The following SPADH variants were observed in gnomAD, a reference collection of about 807,000 sequenced individuals.
The protein encoded by SPADH is spermadhesin family member.
the SPADH span, among the ~76,000 whole-genome samples, chr10:122,673,497 G>C: frequency 6.6e-6 from 1 of 152,192 alleles, no homozygotes; most frequent in African/African-American, 2.4e-5. Flanking sequence ...GCCTGGAAGA[G>C]GGGGAGTCAC....
At chr10:122,676,699 C>G in the SPADH span, 6 of 983,812 alleles carry the variant, frequency 6.1e-6, no homozygotes, top group Non-Finnish European at 7.2e-6. Flanking sequence ...ATGACACAAG[C>G]CAATCCCAGA....
chr10:122,676,177 G>C, the SPADH span, among the ~76,000 whole-genome samples: 1 of 152,254 alleles, frequency 6.6e-6, no homozygotes, highest in Non-Finnish European at 1.5e-5. Context: ...CTTGTTGATT[G>C]ATTGGTGGAT....
At chr10:122,679,059 G>C in the SPADH span, 45 of 978,068 alleles carry the variant, frequency 4.6e-5, no homozygotes, top group African/African-American at 7.5e-4. Context: ...TAGGAAGATC[G>C]GGGGAAGAGG....
chr10:122,673,664 A>T, the SPADH span, among the ~76,000 whole-genome samples: 1 of 151,946 alleles, frequency 6.6e-6, no homozygotes, highest in African/African-American at 2.4e-5. Flanking sequence ...TGTTTCCCTC[A>T]TTCTCCCCAC....
At chr10:122,678,698 C>A in the SPADH span, 1 of 155,526 alleles carries the variant, frequency 6.4e-6, no homozygotes, top group Non-Finnish European at 1.4e-5. Flanking sequence ...GAAGAACTGA[C>A]AAACTTTCCT....
chr10:122,675,232 A>C, the SPADH span, among the ~76,000 whole-genome samples: 2 of 152,208 alleles, frequency 1.3e-5, no homozygotes, highest in Non-Finnish European at 2.9e-5. Flanking sequence ...GGAAAGTGGG[A>C]CGTGAGACCT....
the SPADH span, chr10:122,672,902 C>T: frequency 1.5e-5 from 15 of 985,452 alleles, no homozygotes; most frequent in East Asian, 1.2e-3. Flanking sequence ...CCAGAGCCTT[C>T]GCTTGGCCGC....
chr10:122,678,167 G>A, the SPADH span, among the ~76,000 whole-genome samples: 3 of 152,146 alleles, frequency 2.0e-5, no homozygotes, highest in South Asian at 6.2e-4. Context: ...CTTGTGAACT[G>A]AGACCTGCTG....
chr10:122,673,293 T>A, the SPADH span, among the ~76,000 whole-genome samples: 1 of 152,142 alleles, frequency 6.6e-6, no homozygotes, highest in Non-Finnish European at 1.5e-5. Context: ...TTCCAGGTGG[T>A]CTGACGGCAG....
the SPADH span, among the ~76,000 whole-genome samples, chr10:122,674,943 G>A: frequency 5.9e-5 from 9 of 152,312 alleles, no homozygotes; most frequent in Non-Finnish European, 8.8e-5. Flanking sequence ...TTCTGAACCC[G>A]TGGGCCTGCC....
At chr10:122,679,019 T>G in the SPADH span, 2 of 985,306 alleles carry the variant, frequency 2.0e-6, no homozygotes, top group Non-Finnish European at 2.4e-6. Flanking sequence ...TGAAATATAT[T>G]ACTTTGTTGA....
the SPADH span, among the ~76,000 whole-genome samples, chr10:122,674,383 G>C: frequency 6.6e-6 from 1 of 152,346 alleles, no homozygotes; most frequent in South Asian, 2.1e-4. Context: ...ATGCCTCAAG[G>C]CCTTTGCCTA....
At chr10:122,676,930 G>A in the SPADH span, 2 of 984,972 alleles carry the variant, frequency 2.0e-6, no homozygotes, top group Non-Finnish European at 2.4e-6. Flanking sequence ...GATGTTGTTG[G>A]TATTTCTAGG....
At chr10:122,678,875 G>A in the SPADH span, 2 of 984,758 alleles carry the variant, frequency 2.0e-6, no homozygotes, top group Non-Finnish European at 2.4e-6. Flanking sequence ...AGAATACGTG[G>A]AAGTGCTGGA....
At chr10:122,675,414 A>G in the SPADH span, among the ~76,000 whole-genome samples, 2 of 152,170 alleles carry the variant, frequency 1.3e-5, no homozygotes, top group East Asian at 3.9e-4. Context: ...GAGTGCTGAG[A>G]GCCGATGCTT....
the SPADH span, among the ~76,000 whole-genome samples, chr10:122,677,982 T>C: frequency 6.6e-6 from 1 of 152,312 alleles, no homozygotes; most frequent in South Asian, 2.1e-4. Context: ...GTGGACATTT[T>C]CCCATATTGT....
chr10:122,675,468 A>G, the SPADH span, among the ~76,000 whole-genome samples: 1 of 152,218 alleles, frequency 6.6e-6, no homozygotes, highest in Non-Finnish European at 1.5e-5. Context: ...GTTCCCATAA[A>G]TGGGGACAGT....
At chr10:122,676,664 A>T in the SPADH span, 1 of 926,950 alleles carries the variant, frequency 1.1e-6, no homozygotes, top group Non-Finnish European at 1.3e-6. Flanking sequence ...AGTTGGGAGA[A>T]TCAGTAATAA....
the SPADH span, chr10:122,675,641 C>A: frequency 2.2e-5 from 22 of 984,056 alleles, no homozygotes; most frequent in East Asian, 4.5e-4. Flanking sequence ...TGTCTTTCAG[C>A]CACAACTGTT....
Sources: allele counts gnomAD v4.1 joint callset (sites outside exome capture counted in the v4.1 genomes callset), GRCh38; gene constraint gnomAD v4.1.1; transcripts MANE v1.5; gene names NCBI Gene and HGNC (gene_info 2026-07-23, HGNC 2026-07-21).